ARRDC3: variants seen among roughly 807,000 people sequenced by gnomAD.
The protein encoded by ARRDC3 is arrestin domain containing 3.
ARRDC3 carries 10 observed loss-of-function variants against 47.2 expected under a neutral mutation model. That is an observed-to-expected ratio of 0.21 (90% CI 0.13 to 0.36). The LOEUF (loss-of-function observed/expected upper bound fraction) is 0.36, where lower values mean the gene tolerates loss of function less well. Among genes scored for constraint, ARRDC3 ranks in the 10% least tolerant of loss-of-function variants. ARRDC3 has a pLI of 1.00. For missense variants in ARRDC3, 381 were observed against 503.6 expected, an observed-to-expected ratio of 0.76 and a Z score of 2.33; for synonymous variants, 156 against 178.3, an observed-to-expected ratio of 0.87 and a Z score of 1.00.
intron 2 of ARRDC3, 88 bp from the exon 3 acceptor site, chr5:91,376,856 G>A: frequency 8.1e-7 from 1 of 1,237,334 alleles, no homozygotes; most frequent in South Asian, 2.3e-5. Context: ...TTAATATATT[G>A]TATTGTTTAT....
At chr5:91,379,164 T>C (rs1418866384) in intron 1 of ARRDC3, among the ~76,000 whole-genome samples, 1 of 152,048 alleles carries the variant, frequency 6.6e-6, no homozygotes, top group Non-Finnish European at 1.5e-5. Context: ...ATTAAGACTA[T>C]AATGTATCAA....
chr5:91,379,724 T>C (rs1799397113), intron 1 of ARRDC3, among the ~76,000 whole-genome samples: 1 of 152,180 alleles, frequency 6.6e-6, no homozygotes, highest in Non-Finnish European at 1.5e-5. Context: ...TTTAAAGTTT[T>C]CTTGGTGTAG....
At chr5:91,376,868 TTCCA>T in intron 2 of ARRDC3, 100 bp from the exon 3 acceptor site, 1 of 1,141,520 alleles carries the variant, frequency 8.8e-7, no homozygotes, top group Non-Finnish European at 1.2e-6. Flanking sequence ...ATTGTTTATG[TTCCA>T]ATGAGGTATC....
Position 91,375,112 on chromosome 5 carries a change from G to C in ARRDC3, c.680C>G (p.Ala227Gly). Residue 227 changes from alanine to glycine, a missense_variant, in exon 5 of 8, where the codon GCC (alanine) becomes GGC (glycine). Physicochemically the swap from Ala to Gly is moderately conservative, Grantham distance 60. Coordinates refer to ENST00000265138, the MANE Select transcript of ARRDC3 (RefSeq NM_020801.4). The stretch of plus-strand genomic sequence containing the variant: ...ATAGAAGGCCTGTGTTTGGTAAATG[G>C]CTGCCTTTGGCACCACCATTCGGGA... ...CSSRMVVPKAAIYQTQAFYAK... is the reference protein window; with the variant it reads ...CSSRMVVPKAGIYQTQAFYAK... 1.9e-6 allele frequency: 3 copies of C among 1,613,956 alleles called. 1 individual carries two copies. In the South Asian group the frequency reaches 3.3e-5, roughly 18 times the overall value.
In ARRDC3 at chr5:91,375,277, A is replaced by G. The variant is rs1275602652; in HGVS notation, c.614-99T>C. 9.3e-6 allele frequency: 12 copies of G among 1,287,210 alleles called. No individual in the cohort carries two copies. The African/African-American group carries it at 1.2e-4, about 13-fold the overall frequency. 79.7% of individuals were successfully genotyped at this position (1,287,210 alleles called of 1,614,324 possible). A position where few individuals can be genotyped will look rare whatever the true frequency, so the allele number is the denominator to read the frequency against. On this transcript the variant is annotated intron_variant, in intron 4 of 7. Transcript: ENST00000265138. ...AAGTAAGAAAGTGCAACTAACATAC[A>G]TGAAAAGATGTCCCAGGAACTGCAA...
intron 5 of ARRDC3, 115 bp downstream of exon 5, chr5:91,374,807 C>T (rs1799260560): frequency 9.3e-7 from 1 of 1,078,516 alleles, no homozygotes; most frequent in Non-Finnish European, 1.3e-6. Flanking sequence ...ATCACTGGAG[C>T]CCAGAAAGCA....
At chr5:91,382,355 A>G (rs891660073) in intron 1 of ARRDC3, among the ~76,000 whole-genome samples, 5 of 152,268 alleles carry the variant, frequency 3.3e-5, no homozygotes, top group South Asian at 2.1e-4. Context: ...TTGCATTCCA[A>G]TATTAAAAAT....
chr5:91,381,175 A>G (rs1177970860), intron 1 of ARRDC3, among the ~76,000 whole-genome samples: 1 of 140,786 alleles, frequency 7.1e-6, no homozygotes, highest in Non-Finnish European at 1.5e-5. Flanking sequence ...ACTATTCCAG[A>G]CTGAGCTCGT....
chr5:91,375,456 A>T, intron 4 of ARRDC3, 55 bp downstream of exon 4: 1 of 1,210,650 alleles, frequency 8.3e-7, no homozygotes, highest in Non-Finnish European at 1.2e-6. Context: ...TTATAAATTT[A>T]AACACAAAAG....
chr5:91,377,079 A>C (rs1414919518), intron 2 of ARRDC3, among the ~76,000 whole-genome samples: 1 of 152,208 alleles, frequency 6.6e-6, no homozygotes, highest in African/African-American at 2.4e-5. Flanking sequence ...ATTTTTTGAA[A>C]AGGCCAAGAA....
intron 7 of ARRDC3, among the ~76,000 whole-genome samples, chr5:91,372,630 C>T (rs1012526338): frequency 5.9e-5 from 9 of 151,892 alleles, no homozygotes; most frequent in East Asian, 3.9e-4. Flanking sequence ...TATGTCTCAT[C>T]AATAATTCTG....
chr5:91,376,710 C>T lies in ARRDC3; in HGVS notation c.421G>A (p.Glu141Lys), dbSNP rs762978398. 2.5e-6 allele frequency: 4 copies of T among 1,613,906 alleles called. No individual in the cohort carries two copies. The highest frequency in any genetic ancestry group is 3.4e-6 in the Non-Finnish European group (4 of 1,179,898). Residue 141 changes from glutamate (E) to lysine (K), a missense_variant, in exon 3 of 8, where the codon GAA becomes AAA. By Grantham distance (56) the Glu-to-Lys change is moderately conservative. Transcript: ENST00000265138. ...HGSVRYWVKA[E>K]LHRPWLLPVK... ...GGTAGTAGCCAAGGCCTGTGCAATT[C>T]GGCTTTCACCCAATAGCGCACACTG...
At chr5:91,373,612 G>GAA in intron 7 of ARRDC3, 72 bp downstream of exon 7, 3 of 1,349,438 alleles carry the variant, frequency 2.2e-6, no homozygotes, top group Non-Finnish European at 3.0e-6. Context: ...ATAACATTAA[G>GAA]AAAAAAAAAT....
In ARRDC3 at chr5:91,376,721, C is replaced by G; in HGVS notation, c.410G>C (p.Trp137Ser). ...FEGRHGSVRY[W>S]VKAELHRPWL... is the part of the protein sequence containing the mutation. Reference sequence around the variant, plus strand: ...AGGCCTGTGCAATTCGGCTTTCACCCAATAGCGCACACTGCCATGTCGGCC... The same window carrying G: ...AGGCCTGTGCAATTCGGCTTTCACCGAATAGCGCACACTGCCATGTCGGCC... Residue 137 changes from tryptophan to serine, a missense_variant, in exon 3 of 8, where the codon TGG (tryptophan) becomes TCG (serine). Coordinates refer to ENST00000265138, the MANE Select transcript of ARRDC3 (RefSeq NM_020801.4). 1.2e-6 allele frequency: 2 copies of G among 1,613,888 alleles called. No individual in the cohort carries two copies. Among genetic ancestry groups the G allele is most frequent in the Non-Finnish European group, 1.7e-6 (2 of 1,179,888 alleles).
In ARRDC3 at chr5:91,371,350, A is replaced by T. The variant is rs755277818; in HGVS notation, c.*50T>A. The stretch of plus-strand genomic sequence containing the variant: ...AAGATACTTCTCTGTCCTCAGCCGG[A>T]AGAGATACAGTTCGGAACCCACATC... On this transcript the variant is annotated 3_prime_UTR_variant, in exon 8 of 8. Transcript: ENST00000265138. The T allele has an allele frequency of 2.7e-6, 4 of 1,493,714 alleles. No homozygotes were observed. The highest frequency in any genetic ancestry group is 3.7e-6 in the Non-Finnish European group (4 of 1,074,134). 92.5% of individuals were successfully genotyped at this position (1,493,714 alleles called of 1,614,324 possible). A position where few individuals can be genotyped will look rare whatever the true frequency, so the allele number is the denominator to read the frequency against.
At chr5:91,377,433 G>A (rs1194300559) in intron 2 of ARRDC3, among the ~76,000 whole-genome samples, 1 of 151,898 alleles carries the variant, frequency 6.6e-6, no homozygotes, top group African/African-American at 2.4e-5. Flanking sequence ...TTTTAACTCT[G>A]TCAGATTTTA....
At chr5:91,381,302 C>A (rs1482539674) in intron 1 of ARRDC3, among the ~76,000 whole-genome samples, 1 of 152,162 alleles carries the variant, frequency 6.6e-6, no homozygotes, top group Non-Finnish European at 1.5e-5. Flanking sequence ...TCTCGTTGTT[C>A]TACTTTTCCC....
chr5:91,381,498 A>T (rs988410079), intron 1 of ARRDC3, among the ~76,000 whole-genome samples: 2 of 152,222 alleles, frequency 1.3e-5, no homozygotes, highest in Non-Finnish European at 2.9e-5. Flanking sequence ...TAGTTATTTC[A>T]GGATGCAAAG....
intron 1 of ARRDC3, among the ~76,000 whole-genome samples, chr5:91,381,974 T>C (rs1799467057): frequency 6.6e-6 from 1 of 152,192 alleles, no homozygotes; most frequent in South Asian, 2.1e-4. Flanking sequence ...ATTTAAACAA[T>C]AGATTGGAAA....
Sources: allele counts gnomAD v4.1 joint callset (sites outside exome capture counted in the v4.1 genomes callset), GRCh38; gene constraint gnomAD v4.1.1; transcripts MANE v1.5; gene names NCBI Gene and HGNC (gene_info 2026-07-23, HGNC 2026-07-21).